Variants in CSMD1 observed in about 807,000 individuals in gnomAD.
CSMD1 encodes CUB and Sushi multiple domains 1, also known as CUB and sushi domain-containing protein 1.
A neutral mutation model predicts 417.5 loss-of-function variants in CSMD1; 213 were observed. That is an observed-to-expected ratio of 0.51 (90% CI 0.46 to 0.57). CSMD1 has a LOEUF of 0.57. Ranked by LOEUF, CSMD1 falls within the 20% of genes least tolerant of loss-of-function variation. CSMD1 has a pLI of 0.00. For missense variants in CSMD1, 6,923 were observed against 4,529.7 expected (o/e 1.53, Z -15.17); for synonymous variants, 2,862 against 1,736.8 (o/e 1.65, Z -16.11).
intron 7 of CSMD1, among the ~76,000 whole-genome samples, chr8:3,690,281 G>A (rs1258949805): frequency 3.3e-5 from 5 of 152,182 alleles, no homozygotes; most frequent in African/African-American, 1.2e-4. Flanking sequence ...AGGATCGTTT[G>A]AGCCCAGGAG....
intron 1 of CSMD1, among the ~76,000 whole-genome samples, chr8:4,870,844 A>G (rs1802694206): frequency 6.6e-6 from 1 of 152,138 alleles, no homozygotes; most frequent in Admixed American, 6.5e-5. Flanking sequence ...CCTCTGCTTC[A>G]GATGAATCCA....
At chr8:4,972,155 A>C (rs1411655397) in intron 1 of CSMD1, among the ~76,000 whole-genome samples, 3 of 152,154 alleles carry the variant, frequency 2.0e-5, no homozygotes, top group Non-Finnish European at 2.9e-5. Context: ...GGTAGAAATG[A>C]GACCACACAC....
intron 5 of CSMD1, among the ~76,000 whole-genome samples, chr8:3,958,356 T>G (rs1812110139): frequency 6.6e-6 from 1 of 151,372 alleles, no homozygotes; most frequent in Non-Finnish European, 1.5e-5. Context: ...TCTTTGAACA[T>G]TAACTTTTAA....
chr8:3,268,769 T>C (rs756504924), intron 26 of CSMD1, among the ~76,000 whole-genome samples: 2 of 152,182 alleles, frequency 1.3e-5, no homozygotes, highest in East Asian at 3.9e-4. Flanking sequence ...CCTGTGTTGA[T>C]TGGGAGTTTG....
At chr8:4,550,176 T>C (rs2047981017) in intron 2 of CSMD1, among the ~76,000 whole-genome samples, 1 of 151,918 alleles carries the variant, frequency 6.6e-6, no homozygotes. Context: ...CAAAAGAAGT[T>C]CATGGGATGT....
intron 6 of CSMD1, among the ~76,000 whole-genome samples, chr8:3,742,050 A>G (rs10086697): frequency 0.45 from 67,329 of 150,080 alleles, 15,836 homozygotes; most frequent in East Asian, 0.66. Context: ...CCAGCTTCAC[A>G]CTCATTCAGC....
intron 12 of CSMD1, among the ~76,000 whole-genome samples, chr8:3,462,470 A>T (rs1816566349): frequency 6.6e-6 from 1 of 152,116 alleles, no homozygotes; most frequent in South Asian, 2.1e-4. Context: ...ACATTCTCCT[A>T]GGAGTGTGAA....
chr8:4,248,462 G>C (rs1002427741), intron 3 of CSMD1, among the ~76,000 whole-genome samples: 16 of 152,084 alleles, frequency 1.1e-4, no homozygotes, highest in East Asian at 3.9e-4. Context: ...AAAGTAAAAA[G>C]GTCAGTCGTT....
intron 4 of CSMD1, among the ~76,000 whole-genome samples, chr8:4,020,275 C>T (rs1290736558): frequency 6.6e-6 from 1 of 152,162 alleles, no homozygotes; most frequent in Non-Finnish European, 1.5e-5. Context: ...GGGATTTGCC[C>T]CAGGTGACCA....
chr8:4,633,531 G>A (rs1318399942), intron 2 of CSMD1, among the ~76,000 whole-genome samples: 2 of 151,698 alleles, frequency 1.3e-5, no homozygotes, highest in African/African-American at 2.4e-5. Flanking sequence ...TTACAGGTAA[G>A]AGCCGCCATG....
intron 2 of CSMD1, among the ~76,000 whole-genome samples, chr8:4,456,754 C>A (rs1002603769): frequency 6.6e-6 from 1 of 152,012 alleles, no homozygotes; most frequent in East Asian, 1.9e-4. Context: ...GTTGCTAGAT[C>A]CTAGGGAGAA....
chr8:3,136,993 T>C (rs753786930), intron 41 of CSMD1, among the ~76,000 whole-genome samples: 1 of 152,184 alleles, frequency 6.6e-6, no homozygotes, highest in Non-Finnish European at 1.5e-5. Context: ...ATTGCACATA[T>C]TCATGGGGTA....
intron 1 of CSMD1, among the ~76,000 whole-genome samples, chr8:4,699,929 A>C (rs1247858761): frequency 2.0e-5 from 3 of 152,220 alleles, no homozygotes; most frequent in Non-Finnish European, 1.5e-5. Flanking sequence ...CTATCTGGAT[A>C]CACAAGCTAG....
At chr8:3,769,629 C>G (rs6996513) in intron 5 of CSMD1, among the ~76,000 whole-genome samples, 49,135 of 151,366 alleles carry the variant, frequency 0.32, 9,055 homozygotes, top group Non-Finnish European at 0.42. Flanking sequence ...ATTTAAAATC[C>G]ACTTTTTTCC....
At chr8:4,063,412 T>G (rs2980784) in intron 3 of CSMD1, among the ~76,000 whole-genome samples, 2,802 of 152,306 alleles carry the variant, frequency 0.018, 95 homozygotes, top group African/African-American at 0.064. Context: ...AGTATATATT[T>G]AAATTATGAT....
At chr8:3,258,571 G>C (rs1349513089) in intron 26 of CSMD1, among the ~76,000 whole-genome samples, 1 of 152,156 alleles carries the variant, frequency 6.6e-6, no homozygotes, top group Non-Finnish European at 1.5e-5. Context: ...AATATCATTG[G>C]ACCTAGCAAT....
chr8:4,094,199 G>C (rs1274957406), intron 3 of CSMD1, among the ~76,000 whole-genome samples: 1 of 151,996 alleles, frequency 6.6e-6, no homozygotes, highest in Non-Finnish European at 1.5e-5. Flanking sequence ...CCAAACCTGG[G>C]TGTGAGCTTG....
intron 26 of CSMD1, among the ~76,000 whole-genome samples, chr8:3,242,191 A>T (rs1799581444): frequency 6.6e-6 from 1 of 152,040 alleles, no homozygotes; most frequent in Non-Finnish European, 1.5e-5. Context: ...CCCAGAATGA[A>T]ACAGTAAGCT....
chr8:3,154,424 T>C (rs190576630), intron 39 of CSMD1, among the ~76,000 whole-genome samples: 5 of 152,334 alleles, frequency 3.3e-5, no homozygotes, highest in Admixed American at 2.6e-4. Flanking sequence ...AAATAGCATA[T>C]TTAGAGTTAT....
Sources: allele counts gnomAD v4.1 joint callset (sites outside exome capture counted in the v4.1 genomes callset), GRCh38; gene constraint gnomAD v4.1.1; transcripts MANE v1.5; gene names NCBI Gene and HGNC (gene_info 2026-07-23, HGNC 2026-07-21).